Variants in FHOD3 observed in about 807,000 individuals in gnomAD.
The protein encoded by FHOD3 is formin homology 2 domain containing 3, also known as FH1/FH2 domain-containing protein 3.
FHOD3 carries 90 observed loss-of-function variants against 173.0 expected under a neutral mutation model. The observed-to-expected ratio is 0.52, with a 90% CI of 0.44 to 0.62. The LOEUF is 0.62. FHOD3 is among the 20% of genes least tolerant of loss of function. The probability of loss-of-function intolerance (pLI) is 0.00; values close to 1 mark genes in which losing one functional copy is unlikely to be tolerated. For synonymous variants in FHOD3, 828 were observed against 823.0 expected (o/e 1.01, Z -0.10); for missense variants, 1,945 against 2,034.7 (o/e 0.96, Z 0.85).
At chr18:36,524,668 TC>T (rs1279102047) in intron 5 of FHOD3, among the ~76,000 whole-genome samples, 1 of 152,204 alleles carries the variant, frequency 6.6e-6, no homozygotes, top group Admixed American at 6.5e-5. Context: ...ATCCTGCTGG[TC>T]CACGCCTGTC....
At position 36,459,577 on chromosome 18, in the gene FHOD3, T is replaced by C. The variant is rs373237312; in HGVS notation, c.338-42355T>C. 1.9e-4 allele frequency among the ~76,000 whole-genome samples: 29 copies of C among 152,314 alleles called. No homozygotes were observed. The East Asian group carries it at 3.3e-3, about 17-fold the overall frequency. Reference sequence around the variant, plus strand: ...AGTGTGGGGGAAGACTCTAGCCAACTTCTGTCATCCTCAGGCCTTGGAGAA... The same window carrying C: ...AGTGTGGGGGAAGACTCTAGCCAACCTCTGTCATCCTCAGGCCTTGGAGAA... On this transcript the variant is annotated intron_variant, in intron 3 of 28. Transcript: ENST00000590592.
At chr18:36,346,120 C>T (rs574184833) in intron 1 of FHOD3, among the ~76,000 whole-genome samples, 4 of 152,300 alleles carry the variant, frequency 2.6e-5, no homozygotes, top group African/African-American at 7.2e-5. Context: ...AATCCCAGCA[C>T]TTTGGGAGGG....
At chr18:36,562,205 C>A (rs1170998872) in intron 5 of FHOD3, among the ~76,000 whole-genome samples, 1 of 152,034 alleles carries the variant, frequency 6.6e-6, no homozygotes, top group African/African-American at 2.4e-5. Context: ...TTGGTAGAGA[C>A]AGGATTTCAC....
At chr18:36,400,682 C>T (rs1020678034) in intron 3 of FHOD3, among the ~76,000 whole-genome samples, 9 of 152,194 alleles carry the variant, frequency 5.9e-5, no homozygotes, top group Non-Finnish European at 1.3e-4. Context: ...TCACTCAGTG[C>T]ATCCACCAGA....
chr18:36,653,801 A>T lies in FHOD3; in HGVS notation c.1721+385A>T, dbSNP rs1272753194. ...CATTCTAATGACCATTTCATCTTAG[A>T]TTAATTATAATAGCTGACATTTATT... On this transcript the variant is annotated intron_variant, in intron 13 of 28. Transcript: ENST00000590592. 2.0e-5 allele frequency among the ~76,000 whole-genome samples: 3 copies of T among 152,192 alleles called. No individual in the cohort carries two copies. The East Asian group carries it at 5.8e-4, about 29-fold the overall frequency.
At chr18:36,306,434 A>T (rs1242836823) in intron 1 of FHOD3, among the ~76,000 whole-genome samples, 11 of 152,186 alleles carry the variant, frequency 7.2e-5, no homozygotes, top group Admixed American at 6.5e-5. Context: ...TTGCCTTAGA[A>T]CATAGCCATT....
chr18:36,763,456 A>G (rs1399623189), intron 27 of FHOD3, among the ~76,000 whole-genome samples: 1 of 145,880 alleles, frequency 6.9e-6, no homozygotes, highest in Non-Finnish European at 1.5e-5. Flanking sequence ...TAATATGCGT[A>G]TTATACACGT....
rs1256828595 is a variant in FHOD3, at chr18:36,762,937, TATATA to T, written c.4624+2160_4624+2164del. Among the ~76,000 whole-genome samples the T allele has an allele frequency of 4.8e-4, 71 of 147,140 alleles. No homozygotes were observed. In the East Asian group the frequency reaches 6.8e-3, roughly 14 times the overall value. On this transcript the variant is annotated intron_variant, in intron 27 of 28. Coordinates refer to ENST00000590592, the MANE Select transcript of FHOD3 (RefSeq NM_001281740.3). ...TTATATATGTGTATTATATACATTA[TATATA>T]ATATGTGTATTATATACGTTATATA...
chr18:36,341,226 T>A lies in FHOD3; in HGVS notation c.166-14313T>A, dbSNP rs1202155790. Among the ~76,000 whole-genome samples, 3 of 152,214 alleles carry A rather than the reference T, an allele frequency of 2.0e-5. No homozygotes were observed. The East Asian group carries it at 5.8e-4, about 29-fold the overall frequency. On this transcript the variant is annotated intron_variant, in intron 1 of 28. Coordinates refer to ENST00000590592, the MANE Select transcript of FHOD3 (RefSeq NM_001281740.3). ...TGAAGATTAAATAATTCATGTTAAC[T>A]TGTGTTAATTGAATAGTAAATATTT...
rs10682481 is a variant in FHOD3, at chr18:36,617,610, T to C, written c.957+5515T>C. On this transcript the variant is annotated intron_variant, in intron 9 of 28. Coordinates refer to ENST00000590592, the MANE Select transcript of FHOD3 (RefSeq NM_001281740.3). Reference sequence around the variant, plus strand: ...GTGTGTGTGTGTGTGTGTGTGTGTGTGTGTGTGTGCAATAGTTAAGATGTT... The same window carrying C: ...GTGTGTGTGTGTGTGTGTGTGTGTGCGTGTGTGTGCAATAGTTAAGATGTT... Among the ~76,000 whole-genome samples the C allele has an allele frequency of 1.1e-3, 166 of 146,116 alleles. 3 individuals carry two copies. The highest frequency in any genetic ancestry group is 0.011 in the South Asian group (49 of 4,442).
intron 3 of FHOD3, among the ~76,000 whole-genome samples, chr18:36,392,942 C>T (rs904910131): frequency 6.6e-6 from 1 of 152,196 alleles, no homozygotes; most frequent in African/African-American, 2.4e-5. Context: ...AAGCCTGTAA[C>T]TCAGCTTAGG....
At chr18:36,589,363 G>C (rs1030474403) in intron 6 of FHOD3, among the ~76,000 whole-genome samples, 4 of 152,132 alleles carry the variant, frequency 2.6e-5, no homozygotes, top group African/African-American at 9.7e-5. Flanking sequence ...AAGCCCAAAG[G>C]CTGGATCTAG....
intron 8 of FHOD3, among the ~76,000 whole-genome samples, chr18:36,608,246 G>T (rs752813370): frequency 2.6e-5 from 4 of 152,230 alleles, no homozygotes; most frequent in Non-Finnish European, 5.9e-5. Flanking sequence ...TCTTGAGGCT[G>T]GGAGTCCAAT....
chr18:36,759,333 G>A (rs1326483743), intron 26 of FHOD3, among the ~76,000 whole-genome samples, 192 bp downstream of exon 26: 1 of 152,130 alleles, frequency 6.6e-6, no homozygotes, highest in African/African-American at 2.4e-5. Flanking sequence ...CGTTTGCCAG[G>A]GACTGAAGGG....
intron 19 of FHOD3, among the ~76,000 whole-genome samples, chr18:36,719,097 T>C (rs747453850): frequency 3.9e-5 from 6 of 152,244 alleles, no homozygotes; most frequent in Non-Finnish European, 8.8e-5. Flanking sequence ...TAATCTTACC[T>C]TCATTGACTA....
At chr18:36,364,702 C>T (rs1013698528) in intron 2 of FHOD3, among the ~76,000 whole-genome samples, 7 of 152,186 alleles carry the variant, frequency 4.6e-5, no homozygotes, top group Admixed American at 3.3e-4. Flanking sequence ...TCACTCCAAA[C>T]ACAATTGGAT....
At chr18:36,599,635 T>C (rs2031054420) in intron 7 of FHOD3, among the ~76,000 whole-genome samples, 1 of 152,214 alleles carries the variant, frequency 6.6e-6, no homozygotes, top group Non-Finnish European at 1.5e-5. Flanking sequence ...ATACCTTATT[T>C]TCCTTCAGAT....
At chr18:36,708,969 G>T in intron 17 of FHOD3, 126 bp from the exon 18 acceptor site, 1 of 1,155,120 alleles carries the variant, frequency 8.7e-7, no homozygotes, top group South Asian at 1.5e-5. Flanking sequence ...CAGGGCATAG[G>T]TCTCTTGGGG....
intron 11 of FHOD3, among the ~76,000 whole-genome samples, chr18:36,650,859 A>G (rs1287531490): frequency 1.3e-5 from 2 of 152,214 alleles, no homozygotes; most frequent in Non-Finnish European, 2.9e-5. Flanking sequence ...ATACAGGTAG[A>G]TGATTGTTTA....
Sources: allele counts gnomAD v4.1 joint callset (sites outside exome capture counted in the v4.1 genomes callset), GRCh38; gene constraint gnomAD v4.1.1; transcripts MANE v1.5; gene names NCBI Gene and HGNC (gene_info 2026-07-23, HGNC 2026-07-21).